The following SMG1 variants were observed in gnomAD, a reference collection of about 807,000 sequenced individuals.
SMG1 encodes the protein serine/threonine-protein kinase SMG1.
SMG1 carries 22 observed loss-of-function variants against 419.9 expected under a neutral mutation model. The observed-to-expected ratio is 0.05, with a 90% CI of 0.04 to 0.07. The LOEUF (loss-of-function observed/expected upper bound fraction) is 0.07, where lower values mean the gene tolerates loss of function less well. Among genes scored for constraint, SMG1 ranks in the 10% least tolerant of loss-of-function variants. The pLI is 1.00. For missense variants in SMG1, 3,185 were observed against 4,342.0 expected (o/e 0.73, Z 7.49); for synonymous variants, 1,538 against 1,553.5 (o/e 0.99, Z 0.23).
chr16:18,849,605 A>G (rs2034478904), intron 35 of SMG1, among the ~76,000 whole-genome samples: 1 of 152,240 alleles, frequency 6.6e-6, no homozygotes, highest in African/African-American at 2.4e-5. Flanking sequence ...AGTCCAGGGC[A>G]GCTCAAAAAT....
rs1440074146 is a variant in SMG1 at position 18,826,932 on chromosome 16, C to T, written c.9741+1099G>A. On this transcript the variant is annotated intron_variant, in intron 55 of 62. Coordinates refer to ENST00000446231, the MANE Select transcript of SMG1 (RefSeq NM_015092.5). ...CGAGATTCCGTGGGCGTAGGACCCT[C>T]TGAGCCAGGTGTGGGATATAGTCTC... Among the ~76,000 whole-genome samples, 2 of 63,132 alleles carry T rather than the reference C, an allele frequency of 3.2e-5. 1 individual carries two copies. The highest frequency in any genetic ancestry group is 7.3e-5 in the Non-Finnish European group (2 of 27,456). The allele number at this position is 63,132 out of a possible 152,430, so 41.4% of individuals were successfully genotyped here. A position where few individuals can be genotyped will look rare whatever the true frequency, so the allele number is the denominator to read the frequency against.
intron 49 of SMG1, 97 bp downstream of exon 49, chr16:18,834,795 A>C: frequency 7.6e-7 from 1 of 1,314,380 alleles, no homozygotes; most frequent in Non-Finnish European, 1.1e-6. Context: ...AAGCAGCTGT[A>C]ACACTTGGCA....
At chr16:18,836,256 G>C (rs899332841) in intron 47 of SMG1, 44 bp from the exon 48 acceptor site, 32 of 1,595,668 alleles carry the variant, frequency 2.0e-5, no homozygotes, top group Non-Finnish European at 2.5e-5. Flanking sequence ...ACAGGGTCAA[G>C]TCAGCTGTCA....
chr16:18,916,760 C>T (rs1780730781), intron 1 of SMG1, among the ~76,000 whole-genome samples: 2 of 151,996 alleles, frequency 1.3e-5, no homozygotes, highest in South Asian at 4.1e-4. Flanking sequence ...CTCTGAAAAA[C>T]TTCAAGATAG....
chr16:18,829,826 A>G, intron 53 of SMG1, 71 bp from the exon 54 acceptor site: 8 of 1,460,100 alleles, frequency 5.5e-6, no homozygotes, highest in Non-Finnish European at 7.4e-6. Flanking sequence ...TATAGTATTT[A>G]AGGTGTCATG....
intron 57 of SMG1, among the ~76,000 whole-genome samples, chr16:18,816,766 A>G (rs778723545): frequency 1.3e-5 from 2 of 152,208 alleles, no homozygotes; most frequent in Non-Finnish European, 2.9e-5. Context: ...CTTAAAGTTT[A>G]AGACCTGAGA....
intron 7 of SMG1, 98 bp from the exon 8 acceptor site, chr16:18,885,260 C>G: frequency 1.1e-5 from 7 of 657,084 alleles, no homozygotes; most frequent in Non-Finnish European, 1.8e-5. Context: ...AAAGGAGCAT[C>G]TATGTTCTAC....
At chr16:18,888,843 GAC>G (rs1236818183) in intron 6 of SMG1, among the ~76,000 whole-genome samples, 2 of 102,896 alleles carry the variant, frequency 1.9e-5, no homozygotes, top group African/African-American at 4.3e-5. Flanking sequence ...TTTTTTTTGA[GAC>G]ACAGTCTCAC....
intron 3 of SMG1, among the ~76,000 whole-genome samples, chr16:18,893,236 G>T (rs776406303): frequency 1.3e-5 from 2 of 152,152 alleles, no homozygotes; most frequent in Non-Finnish European, 2.9e-5. Context: ...CCACTAGAAA[G>T]GTAGCAAACC....
chr16:18,906,449 A>G (rs532928706), intron 1 of SMG1, among the ~76,000 whole-genome samples: 3 of 151,980 alleles, frequency 2.0e-5, no homozygotes, highest in African/African-American at 7.3e-5. Flanking sequence ...CACCACTGCA[A>G]TCCAGAGCCT....
chr16:18,881,738 AAAG>A (rs1261953735), intron 10 of SMG1, among the ~76,000 whole-genome samples: 1 of 152,152 alleles, frequency 6.6e-6, no homozygotes, highest in African/African-American at 2.4e-5. Flanking sequence ...TCAGGCTATC[AAAG>A]AATATAAAGG....
intron 4 of SMG1, among the ~76,000 whole-genome samples, chr16:18,891,413 T>C (rs576463262): frequency 2.0e-5 from 3 of 152,152 alleles, no homozygotes; most frequent in African/African-American, 7.2e-5. Context: ...TTTTCATTAA[T>C]TTTCTCCTGC....
Position 18,849,976 on chromosome 16 carries a change from C to T in SMG1, c.5434G>A (p.Glu1812Lys), listed in dbSNP as rs1204718561. 6.2e-7 allele frequency: 1 copy of T among 1,613,830 alleles called. No homozygotes were observed. Among genetic ancestry groups the T allele is most frequent in the African/African-American group, 1.3e-5 (1 of 74,902 alleles). ...ELRQYLEHGLETTPTAPWRGI... is the reference protein window; with the variant it reads ...ELRQYLEHGLKTTPTAPWRGI... ...CTCCATGGTGCAGTGGGTGTTGTCT[C>T]CAAGCCGTGCTCCAGATACTGCCGA... is the stretch of plus-strand genomic sequence containing the variant. Residue 1812 changes from glutamate to lysine, a missense_variant, in exon 35 of 63, where the codon GAG (glutamate) becomes AAG (lysine). Glu to Lys is a moderately conservative substitution (Grantham distance 56). Coordinates refer to ENST00000446231, the MANE Select transcript of SMG1 (RefSeq NM_015092.5).
intron 1 of SMG1, among the ~76,000 whole-genome samples, chr16:18,916,513 CAAAAAAAAA>C (rs59985733): frequency 1.5e-5 from 1 of 68,926 alleles, no homozygotes. Flanking sequence ...GACTCCATCT[CAAAAAAAAA>C]AAAAAAAAAA....
intron 1 of SMG1, among the ~76,000 whole-genome samples, chr16:18,897,470 T>C (rs552443067): frequency 1.3e-5 from 2 of 152,320 alleles, no homozygotes; most frequent in South Asian, 2.1e-4. Context: ...TTAGGTACTG[T>C]AGTATTGAAG....
At chr16:18,873,474 G>A (rs1364424824) in intron 13 of SMG1, among the ~76,000 whole-genome samples, 3 of 152,064 alleles carry the variant, frequency 2.0e-5, no homozygotes, top group Admixed American at 6.5e-5. Flanking sequence ...TGCCCCCCTC[G>A]GTCTCCCGAG....
chr16:18,834,231 T>G lies in SMG1; in HGVS notation c.8538A>C (p.Leu2846Phe). The G allele has an allele frequency of 1.9e-6, 3 of 1,603,034 alleles. No individual in the cohort carries two copies. The highest frequency in any genetic ancestry group is 2.6e-6 in the Non-Finnish European group (3 of 1,174,308). ...NPMEASETVH[L>F]ANGVYTSLQE... ...GAAGTGAGGTATACACTCCATTGGC[T>G]AAGTGAACTGTCTCAGACGCTTCCA... The change falls in exon 50 of 63, where the codon TTA becomes TTC. Residue 2846 changes from leucine to phenylalanine, a missense_variant. Coordinates refer to ENST00000446231, the MANE Select transcript of SMG1 (RefSeq NM_015092.5).
chr16:18,830,235 C>T lies in SMG1; in HGVS notation c.8927G>A (p.Ser2976Asn), dbSNP rs780229587. The change falls in exon 52 of 63, where the codon AGC (serine) becomes AAC (asparagine). Residue 2976 changes from serine (S) to asparagine (N), a missense_variant. By Grantham distance (46) the Ser-to-Asn change is conservative. Transcript: ENST00000446231. ...GMFAQVETAF[S>N]LLVEKLNKME... ...CACATTTACCTTTTCAACTAATAAG[C>T]TGAAAGCAGTTTCAACTTGAGCAAA... The T allele has an allele frequency of 4.3e-6, 7 of 1,613,722 alleles. No homozygotes were observed. The highest frequency in any genetic ancestry group is 1.3e-5 in the African/African-American group (1 of 74,932).
intron 39 of SMG1, among the ~76,000 whole-genome samples, chr16:18,844,967 A>G (rs990608048): frequency 2.0e-5 from 3 of 152,242 alleles, no homozygotes; most frequent in African/African-American, 7.2e-5. Flanking sequence ...CCCACGCAGC[A>G]TATGTGGAAT....
Sources: gnomAD v4.1 joint callset for allele counts (sites outside exome capture counted in the v4.1 genomes callset) on GRCh38, gnomAD v4.1.1 for gene constraint, MANE v1.5 for transcripts, NCBI Gene and HGNC (gene_info 2026-07-23, HGNC 2026-07-21) for gene names.